The following SLC41A1 variants were observed in gnomAD, a reference collection of about 807,000 sequenced individuals.
The protein encoded by SLC41A1 is solute carrier family 41 (magnesium transporter), member 1.
SLC41A1 carries 20 observed loss-of-function variants against 47.3 expected under a neutral mutation model. The ratio of observed to expected loss-of-function variants is 0.42; its 90% CI spans 0.30 to 0.61. The LOEUF is 0.61. Among genes scored for constraint, SLC41A1 ranks in the 20% least tolerant of loss-of-function variants. The pLI, the probability that SLC41A1 is intolerant of heterozygous loss-of-function variation, is 0.17. For synonymous variants in SLC41A1, 282 were observed against 272.7 expected (o/e 1.03, Z -0.34); for missense variants, 504 against 674.1 (o/e 0.75, Z 2.79).
In SLC41A1 at chr1:205,796,995, C is replaced by T; in HGVS notation, c.1001G>A (p.Gly334Asp). 6.2e-7 allele frequency: 1 copy of T among 1,611,860 alleles called. No homozygotes were observed. The highest frequency in any genetic ancestry group is 8.5e-7 in the Non-Finnish European group (1 of 1,179,376). Residue 334 changes from glycine (G) to aspartate (D), a missense_variant, in exon 8 of 11, where the codon GGC (glycine) becomes GAC (aspartate). Physicochemically the swap from Gly to Asp is moderately conservative, Grantham distance 94. Coordinates refer to ENST00000367137, the MANE Select transcript of SLC41A1 (RefSeq NM_173854.6). ...IIAMAISSVG[G>D]LILDKTVSDP... ...TGAGACAGTCTTGTCCAAGATGAGG[C>T]CTCCCACACTATAGAGACATAAAGA...
chr1:205,812,656 C>T, intron 1 of SLC41A1, 152 bp downstream of exon 1: 1 of 755,830 alleles, frequency 1.3e-6, no homozygotes, highest in Non-Finnish European at 1.6e-6. Context: ...ACAAAAAAGA[C>T]CCATTTTAGT....
chr1:205,797,066 G>A, intron 7 of SLC41A1, 63 bp from the exon 8 acceptor site: 1 of 1,460,266 alleles, frequency 6.8e-7, no homozygotes, highest in Non-Finnish European at 9.5e-7. Flanking sequence ...TAGTCTCTGG[G>A]ATGAGAGGTC....
Position 205,812,800 on chromosome 1 carries a change from G to C in SLC41A1, c.-647+8C>G. 10 of 975,210 alleles carry C rather than the reference G, an allele frequency of 1.0e-5. No individual in the cohort carries two copies. The highest frequency in any genetic ancestry group is 1.2e-5 in the Non-Finnish European group (10 of 821,786). The allele number at this position is 975,210 out of a possible 1,614,324, so 60.4% of individuals were successfully genotyped here. A position where few individuals can be genotyped will look rare whatever the true frequency, so the allele number is the denominator to read the frequency against. The stretch of plus-strand genomic sequence containing the variant: ...CCCCTCCCCGCCCCAGGACCCCACA[G>C]GACTGACCTGCCCCTCGCCTGGGAG... On this transcript the variant is annotated splice_region_variant and intron_variant, in intron 1 of 10. Transcript: ENST00000367137.
intron 10 of SLC41A1, among the ~76,000 whole-genome samples, chr1:205,793,229 G>A (rs1338376577): frequency 6.6e-6 from 1 of 152,228 alleles, no homozygotes. Context: ...ACAGCTGGGA[G>A]GAGGTGGCAA....
At chr1:205,807,577 A>G (rs1300648441) in intron 2 of SLC41A1, among the ~76,000 whole-genome samples, 1 of 151,484 alleles carries the variant, frequency 6.6e-6, no homozygotes, top group African/African-American at 2.4e-5. Context: ...TCAGAAGATA[A>G]CGCTAATTAA....
chr1:205,802,481 C>T (rs1490309815), intron 2 of SLC41A1, among the ~76,000 whole-genome samples: 2 of 152,090 alleles, frequency 1.3e-5, no homozygotes, highest in African/African-American at 4.8e-5. Flanking sequence ...CTTTGGGAGG[C>T]CGAGGCGGGC....
chr1:205,791,635 T>C lies in SLC41A1; in HGVS notation c.1440A>G (p.Pro480=). 1 of 1,614,100 alleles carries C rather than the reference T, an allele frequency of 6.2e-7. No individual in the cohort carries two copies. Among genetic ancestry groups the C allele is most frequent in the Non-Finnish European group, 8.5e-7 (1 of 1,180,018 alleles). ...GCAGGTCCCCCAGAGCAGTCAAGTA[T>C]GGGATGGAGAAGTTGTCCGGGTCCA... The part of the protein sequence containing the change: ...RGLDPDNFSI[P]YLTALGDLLG... Residue 480 remains proline (P), a synonymous_variant, in exon 11 of 11, where the codon CCA becomes CCG. Coordinates refer to ENST00000367137, the MANE Select transcript of SLC41A1 (RefSeq NM_173854.6). The surrounding 1 kb of genome is among the most constrained non-coding windows in gnomAD (Gnocchi z 4.0).
chr1:205,802,327 A>T (rs778935013), intron 2 of SLC41A1, among the ~76,000 whole-genome samples: 8 of 152,202 alleles, frequency 5.3e-5, no homozygotes, highest in Non-Finnish European at 1.0e-4. Context: ...CACCTTAGAC[A>T]AGTTACAAGG....
chr1:205,796,515 T>C (rs1655754303), intron 8 of SLC41A1: 1 of 254,978 alleles, frequency 3.9e-6, no homozygotes, highest in South Asian at 4.8e-5. Context: ...TGTTTCTCCA[T>C]TTGGATGTTT....
chr1:205,793,816 T>TACAA (rs1655679413), intron 10 of SLC41A1, among the ~76,000 whole-genome samples: 1 of 152,048 alleles, frequency 6.6e-6, no homozygotes, highest in Non-Finnish European at 1.5e-5. Flanking sequence ...TGTTTACTTT[T>TACAA]ATAAATATAG....
chr1:205,791,340 C>A lies in SLC41A1; in HGVS notation c.*193G>T. 1 of 685,728 alleles carries A rather than the reference C, an allele frequency of 1.5e-6. No homozygotes were observed. Among genetic ancestry groups the A allele is most frequent in the Non-Finnish European group, 2.5e-6 (1 of 399,048 alleles). 42.5% of individuals were successfully genotyped at this position (685,728 alleles called of 1,614,324 possible). On this transcript the variant is annotated 3_prime_UTR_variant, in exon 11 of 11. Transcript: ENST00000367137. The surrounding 1 kb of genome is among the most constrained non-coding windows in gnomAD (Gnocchi z 4.0). The stretch of plus-strand genomic sequence containing the variant: ...ACTTGTACTGCTTATCTCAGGCCAT[C>A]TGTGTTTCCCAAATTCTTGCTATAC...
In SLC41A1 at chr1:205,810,036, C is replaced by T; in HGVS notation, c.372+34G>A. 1 of 1,613,890 alleles carries T rather than the reference C, an allele frequency of 6.2e-7. No individual in the cohort carries two copies. The highest frequency in any genetic ancestry group is 8.5e-7 in the Non-Finnish European group (1 of 1,179,932). ...CCCAGCAGGCAAAGGTGGCCCTGGG[C>T]TCACAGTCAAGAGCTGCCCTACTCA... On this transcript the variant is annotated intron_variant, in intron 2 of 10. Transcript: ENST00000367137. The surrounding 1 kb of genome is among the most constrained non-coding windows in gnomAD (Gnocchi z 5.5).
At chr1:205,797,090 C>T in intron 7 of SLC41A1, 87 bp from the exon 8 acceptor site, 1 of 1,193,950 alleles carries the variant, frequency 8.4e-7, no homozygotes, top group Non-Finnish European at 1.2e-6. Context: ...GCCCACCTAT[C>T]CTTGGAGATG....
intron 2 of SLC41A1, among the ~76,000 whole-genome samples, chr1:205,802,813 A>ATGAGTAGGTGG: frequency 2.0e-5 from 3 of 151,916 alleles, no homozygotes; most frequent in Admixed American, 6.6e-5. Flanking sequence ...GTAAGAGATC[A>ATGAGTAGGTGG]CCTCACACTC....
chr1:205,794,393 C>T (rs1655698173), intron 10 of SLC41A1, among the ~76,000 whole-genome samples: 2 of 152,036 alleles, frequency 1.3e-5, no homozygotes, highest in African/African-American at 4.8e-5. Context: ...GAGAAAGTGT[C>T]ATGGTATTAT....
chr1:205,797,943 G>A lies in SLC41A1; in HGVS notation c.953C>T (p.Ser318Leu), dbSNP rs533142067. ...RSPATREVLY[S>L]GWEPVIIAMA... ...GGCAATGATAACAGGCTCCCAGCCC[G>A]AGTACAACACCTCCCTTGTGGCTGG... Residue 318 changes from serine (S) to leucine (L), a missense_variant, in exon 7 of 11, where the codon TCG becomes TTG. Ser to Leu is a moderately radical substitution (Grantham distance 145). This residue lies in a region of SLC41A1 where 421 missense variants were observed against 601.6 expected (regional missense o/e 0.70). Transcript: ENST00000367137. The A allele has an allele frequency of 1.7e-5, 27 of 1,614,170 alleles. No homozygotes were observed. The East Asian group carries it at 2.7e-4, about 16-fold the overall frequency.
At chr1:205,793,316 G>T (rs986906258) in intron 10 of SLC41A1, among the ~76,000 whole-genome samples, 35 of 152,196 alleles carry the variant, frequency 2.3e-4, no homozygotes, top group African/African-American at 8.0e-4. Flanking sequence ...GACAGCAGAG[G>T]CAAGAATGTC....
At position 205,810,500 on chromosome 1, in the gene SLC41A1, CT is replaced by C. The variant is rs1656126217; in HGVS notation, c.-60del. ...CTCTCTTCTTTTTGCTTTCTCTCTT[CT>C]TCTCTAACTTGGGAAAGAACTTAGT... On this transcript the variant is annotated 5_prime_UTR_variant, in exon 2 of 11. Transcript: ENST00000367137. The surrounding 1 kb of genome is among the most constrained non-coding windows in gnomAD (Gnocchi z 5.5). 17 of 1,612,426 alleles carry C rather than the reference CT, an allele frequency of 1.1e-5. No homozygotes were observed. Among genetic ancestry groups the C allele is most frequent in the East Asian group, 8.9e-5 (4 of 44,892 alleles).
Position 205,810,657 on chromosome 1 carries a change from C to T in SLC41A1, c.-216G>A. The T allele has an allele frequency of 1.5e-6, 1 of 658,832 alleles. No individual in the cohort carries two copies. The highest frequency in any genetic ancestry group is 2.6e-6 in the Non-Finnish European group (1 of 391,300). 40.8% of individuals were successfully genotyped at this position (658,832 alleles called of 1,614,324 possible). On this transcript the variant is annotated 5_prime_UTR_variant, in exon 2 of 11. Coordinates refer to ENST00000367137, the MANE Select transcript of SLC41A1 (RefSeq NM_173854.6). The surrounding 1 kb of genome is among the most constrained non-coding windows in gnomAD (Gnocchi z 5.5). ...ACTGAAGCCGCAAGCTGGGAAGAAA[C>T]AAGAAATTCCTCACCAGACAGCCAC... is the stretch of plus-strand genomic sequence containing the variant.
Sources: allele counts gnomAD v4.1 joint callset (sites outside exome capture counted in the v4.1 genomes callset), GRCh38; gene constraint gnomAD v4.1.1; regional missense constraint gnomAD v4.1.1; non-coding constraint Gnocchi (gnomAD v3.1); transcripts MANE v1.5; gene names NCBI Gene and HGNC (gene_info 2026-07-23, HGNC 2026-07-21).